The following TRAF5 variants were observed in gnomAD, a reference collection of about 807,000 sequenced individuals.
TRAF5 encodes the protein TNF receptor-associated factor 5.
TRAF5 carries 48 observed loss-of-function variants against 64.5 expected under a neutral mutation model. The observed-to-expected ratio is 0.74, with a 90% CI of 0.59 to 0.95. The LOEUF (loss-of-function observed/expected upper bound fraction) is 0.95, where lower values mean the gene tolerates loss of function less well. Among genes scored for constraint, TRAF5 ranks in the 40% least tolerant of loss-of-function variants. The probability of loss-of-function intolerance (pLI) is 0.00; values close to 1 mark genes in which losing one functional copy is unlikely to be tolerated. For missense variants in TRAF5, 545 were observed against 662.8 expected (o/e 0.82, Z 1.95); for synonymous variants, 206 against 240.5 (o/e 0.86, Z 1.33).
At chr1:211,360,471 T>C (rs1369322340) in intron 5 of TRAF5, 1 of 519,712 alleles carries the variant, frequency 1.9e-6, no homozygotes. Context: ...ATCTACCTTC[T>C]TTGAATCCTG....
At chr1:211,361,200 C>A in intron 7 of TRAF5, 38 bp downstream of exon 7, 1 of 1,558,688 alleles carries the variant, frequency 6.4e-7, no homozygotes, top group Non-Finnish European at 8.8e-7. Flanking sequence ...ATACATTCTA[C>A]TGTATAATTC....
chr1:211,346,393 T>TG (rs1374353415), intron 1 of TRAF5: 2 of 985,270 alleles, frequency 2.0e-6, no homozygotes, highest in Non-Finnish European at 2.4e-6. Flanking sequence ...GAGTGGGCTG[T>TG]GGGGTGTCCT....
chr1:211,349,179 G>A (rs1484283073), intron 1 of TRAF5, among the ~76,000 whole-genome samples: 1 of 152,138 alleles, frequency 6.6e-6, no homozygotes, highest in Non-Finnish European at 1.5e-5. Context: ...CTGCACTCCA[G>A]CCTGGGCTAC....
chr1:211,335,061 G>C (rs1377724308), intron 1 of TRAF5, among the ~76,000 whole-genome samples: 2 of 152,156 alleles, frequency 1.3e-5, no homozygotes, highest in Non-Finnish European at 2.9e-5. Flanking sequence ...GGTCTCAATG[G>C]TGACTAAAGA....
intron 6 of TRAF5, 110 bp downstream of exon 6, chr1:211,360,889 C>T: frequency 9.5e-7 from 1 of 1,050,966 alleles, no homozygotes; most frequent in Non-Finnish European, 1.4e-6. Context: ...GCTTAAATTA[C>T]ACGCATGACC....
intron 1 of TRAF5, among the ~76,000 whole-genome samples, chr1:211,334,191 G>T (rs1702232511): frequency 6.6e-6 from 1 of 152,230 alleles, no homozygotes; most frequent in South Asian, 2.1e-4. Context: ...AATCACACAG[G>T]ATGTGCTGAA....
Position 211,356,418 on chromosome 1 carries a change from T to G in TRAF5, c.328T>G (p.Cys110Gly). ...AGAAGTCCTCAACTTATATGTATAT[T>G]GCAGCAATGCTCCTGGATGTAATGC... The part of the protein sequence containing the change: ...KREVLNLYVY[C>G]SNAPGCNAKV... Residue 110 changes from cysteine (C) to glycine (G), a missense_variant, in exon 4 of 11, where the codon TGC (cysteine) becomes GGC (glycine). Physicochemically the swap from Cys to Gly is radical, Grantham distance 159. Transcript: ENST00000261464. The G allele has an allele frequency of 6.2e-7, 1 of 1,614,210 alleles. No individual in the cohort carries two copies. The highest frequency in any genetic ancestry group is 8.5e-7 in the Non-Finnish European group (1 of 1,180,008).
rs757268307 is a variant in TRAF5, at chr1:211,359,980, A to G, written c.447A>G (p.Leu149=). ...CSNEKCREPV[L]RKDLKEHLSA... is the part of the protein sequence containing the mutation. ...ATGAGAAGTGCCGGGAGCCAGTCCTACGGAAAGACCTGAAAGAGCATTTGA... is the reference window on the plus strand; with the variant it reads ...ATGAGAAGTGCCGGGAGCCAGTCCTGCGGAAAGACCTGAAAGAGCATTTGA... Residue 149 remains leucine (L), a synonymous_variant, in exon 5 of 11, where the codon CTA becomes CTG. Coordinates refer to ENST00000261464, the MANE Select transcript of TRAF5 (RefSeq NM_001033910.3). 3.1e-6 allele frequency: 5 copies of G among 1,613,982 alleles called. No individual in the cohort carries two copies. Among genetic ancestry groups the G allele is most frequent in the East Asian group, 2.2e-5 (1 of 44,902 alleles).
chr1:211,345,829 C>T (rs1007242958), intron 1 of TRAF5, among the ~76,000 whole-genome samples: 3 of 152,134 alleles, frequency 2.0e-5, no homozygotes, highest in East Asian at 1.9e-4. Flanking sequence ...ACCCAGGGAT[C>T]GGGGAGAGAT....
Position 211,372,769 on chromosome 1 carries a change from T to C in TRAF5, c.*67T>C. 7.2e-7 allele frequency: 1 copy of C among 1,394,194 alleles called. No individual in the cohort carries two copies. The highest frequency in any genetic ancestry group is 1.0e-6 in the Non-Finnish European group (1 of 1,004,300). The allele number at this position is 1,394,194 out of a possible 1,614,324, so 86.4% of individuals were successfully genotyped here. ...CTGTGGAGGAGAGCACATTTGATTA[T>C]CATATTGACCTGGATTTAGACTCAA... On this transcript the variant is annotated 3_prime_UTR_variant, in exon 11 of 11. Transcript: ENST00000261464.
chr1:211,355,702 ATGGTGGG>A (rs1372818311), intron 3 of TRAF5, among the ~76,000 whole-genome samples: 3 of 152,222 alleles, frequency 2.0e-5, no homozygotes, highest in African/African-American at 7.2e-5. Flanking sequence ...TTTTTATGTA[ATGGTGGG>A]TGCATAGAAA....
rs1703568058 is a variant in TRAF5, at chr1:211,372,417, T to C, written c.1389T>C (p.Phe463=). 6.2e-7 allele frequency: 1 copy of C among 1,614,080 alleles called. No homozygotes were observed. The highest frequency in any genetic ancestry group is 1.3e-5 in the African/African-American group (1 of 74,926). ...GGGGGTCACACCTGTCCCTATACTTTGTGGTCATGCGAGGAGAGTTTGACT... is the reference window on the plus strand; with the variant it reads ...GGGGGTCACACCTGTCCCTATACTTCGTGGTCATGCGAGGAGAGTTTGACT... ...SGRGSHLSLY[F]VVMRGEFDSL... is the part of the protein sequence containing the mutation. Residue 463 remains phenylalanine, a synonymous_variant, in exon 11 of 11, where the codon TTT becomes TTC. Transcript: ENST00000261464.
intron 1 of TRAF5, among the ~76,000 whole-genome samples, chr1:211,334,083 GAAC>G (rs1193879080): frequency 6.6e-6 from 1 of 152,156 alleles, no homozygotes; most frequent in African/African-American, 2.4e-5. Flanking sequence ...AAAGCAAAAT[GAAC>G]AAAGGGAAAA....
intron 2 of TRAF5, 115 bp downstream of exon 2, chr1:211,353,572 A>G: frequency 9.6e-7 from 1 of 1,040,100 alleles, no homozygotes; most frequent in Non-Finnish European, 1.4e-6. Flanking sequence ...CCACAGAACC[A>G]TGACTGTAAG....
At chr1:211,369,835 T>TGTGC (rs1394993262) in intron 9 of TRAF5, among the ~76,000 whole-genome samples, 1 of 152,180 alleles carries the variant, frequency 6.6e-6, no homozygotes, top group South Asian at 2.1e-4. Flanking sequence ...TGTGTGTGTG[T>TGTGC]GTGCGTGTGC....
chr1:211,369,348 T>A, intron 8 of TRAF5, 104 bp from the exon 9 acceptor site: 1 of 1,068,502 alleles, frequency 9.4e-7, no homozygotes, highest in African/African-American at 1.6e-5. Flanking sequence ...ATATGTAGAT[T>A]TTTTCCTAGA....
chr1:211,348,889 C>T lies in TRAF5; in HGVS notation c.-1-4350C>T, dbSNP rs944823963. On this transcript the variant is annotated intron_variant, in intron 1 of 10. Transcript: ENST00000261464. ...GTGTCCATCCTATGGATCTTTGGCTCCTCAAGTTTTAAGAGTGTTATCTTA... is the reference window on the plus strand; with the variant it reads ...GTGTCCATCCTATGGATCTTTGGCTTCTCAAGTTTTAAGAGTGTTATCTTA... Among the ~76,000 whole-genome samples the T allele has an allele frequency of 3.9e-5, 6 of 151,944 alleles. No homozygotes were observed. In the South Asian group the frequency reaches 6.3e-4, roughly 16 times the overall value.
intron 7 of TRAF5, among the ~76,000 whole-genome samples, chr1:211,362,183 A>C (rs940384710): frequency 6.6e-6 from 1 of 152,242 alleles, no homozygotes; most frequent in Admixed American, 6.5e-5. Context: ...CTTTAAAATA[A>C]TAATGAATTA....
chr1:211,329,533 G>A (rs1240919830), intron 1 of TRAF5, among the ~76,000 whole-genome samples: 1 of 152,214 alleles, frequency 6.6e-6, no homozygotes, highest in African/African-American at 2.4e-5. Context: ...ATGTAGGGAT[G>A]GGGCAGGACC....
Sources: gnomAD v4.1 joint callset for allele counts (sites outside exome capture counted in the v4.1 genomes callset) on GRCh38, gnomAD v4.1.1 for gene constraint, MANE v1.5 for transcripts, NCBI Gene and HGNC (gene_info 2026-07-23, HGNC 2026-07-21) for gene names.